EGF: variants seen among roughly 807,000 people sequenced by gnomAD.
EGF encodes the protein epidermal growth factor.
Under a neutral mutation model 143.8 loss-of-function variants are expected in EGF, and 95 were observed. The observed-to-expected ratio is 0.66, with a 90% CI of 0.56 to 0.78. EGF has a LOEUF of 0.78. EGF is among the 30% of genes least tolerant of loss of function. EGF has a pLI of 0.00. For synonymous variants in EGF, 510 were observed against 510.5 expected, an observed-to-expected ratio of 1.00 and a Z score of 0.01; for missense variants, 1,320 against 1,470.9, an observed-to-expected ratio of 0.90 and a Z score of 1.68.
At chr4:109,952,310 A>G (rs1192455488) in intron 5 of EGF, among the ~76,000 whole-genome samples, 3 of 152,234 alleles carry the variant, frequency 2.0e-5, no homozygotes, top group African/African-American at 7.2e-5. Flanking sequence ...GAGAGCTTCA[A>G]AAGCATATTC....
chr4:109,954,760 C>T (rs770089626), intron 5 of EGF, among the ~76,000 whole-genome samples: 13 of 152,062 alleles, frequency 8.5e-5, no homozygotes, highest in Admixed American at 3.9e-4. Context: ...TAGAATTTTA[C>T]GTATCTGGTA....
Position 109,979,977 on chromosome 4 carries a change from C to T in EGF, c.2059C>T (p.Pro687Ser), listed in dbSNP as rs1578329861. The stretch of plus-strand genomic sequence containing the variant: ...CAAACTTGAATTGTTTCCAGGTCAC[C>T]CATTTGCTGTAGCAGTGTTTGAGGA... ...RRLTQNDVGH[P>S]FAVAVFEDYV... Residue 687 changes from proline (P) to serine (S), a missense_variant, in exon 14 of 24, where the codon CCA becomes TCA. Pro to Ser is a moderately conservative substitution (Grantham distance 74). Coordinates refer to ENST00000265171, the MANE Select transcript of EGF (RefSeq NM_001963.6). The T allele has an allele frequency of 1.9e-6, 3 of 1,613,860 alleles. No individual in the cohort carries two copies. The highest frequency in any genetic ancestry group is 2.5e-6 in the Non-Finnish European group (3 of 1,179,834).
chr4:109,973,316 A>G (rs1464894309), intron 11 of EGF, among the ~76,000 whole-genome samples: 2 of 152,180 alleles, frequency 1.3e-5, no homozygotes, highest in Admixed American at 6.6e-5. Context: ...AAGTGCAAGT[A>G]TAACTGCCCC....
chr4:109,919,287 GTCTCTCTC>G (rs58110007), intron 1 of EGF, among the ~76,000 whole-genome samples: 7,078 of 75,710 alleles, frequency 0.093, 172 homozygotes, highest in Middle Eastern at 0.13. Flanking sequence ...ATGCTTCTCT[GTCTCTCTC>G]TCTCTCTCTC....
chr4:109,961,096 A>T (rs899461727), intron 7 of EGF, 107 bp downstream of exon 7: 46 of 1,283,766 alleles, frequency 3.6e-5, no homozygotes, highest in Non-Finnish European at 4.9e-5. Flanking sequence ...AGTGTGCATC[A>T]TAATTACCTT....
At chr4:109,981,669 G>GTAAA (rs1180161039) in intron 15 of EGF, among the ~76,000 whole-genome samples, 1 of 151,974 alleles carries the variant, frequency 6.6e-6, no homozygotes, top group African/African-American at 2.4e-5. Flanking sequence ...TAGGCATGGT[G>GTAAA]TAAATATAAG....
intron 1 of EGF, among the ~76,000 whole-genome samples, chr4:109,926,345 A>C (rs1264241331): frequency 2.1e-5 from 3 of 143,786 alleles, no homozygotes; most frequent in Admixed American, 6.9e-5. Context: ...AGAGTGAGAC[A>C]CTGTCTTTTT....
Position 109,999,679 on chromosome 4 carries a change from CT to C in EGF, c.3007del (p.Cys1003ValfsTer15), listed in dbSNP as rs1327444596. The C allele has an allele frequency of 1.9e-6, 3 of 1,614,034 alleles. No individual in the cohort carries two copies. The highest frequency in any genetic ancestry group is 2.5e-6 in the Non-Finnish European group (3 of 1,180,040). ...IEALDKYACN[C>X]VVGYIGERCQ... Reference sequence around the variant, plus strand: ...GACCTCTGTTTGTGTGTTGTCACAGCTGTGTTGTTGGCTACATCGGGGAGCG... The same window carrying C: ...GACCTCTGTTTGTGTGTTGTCACAGCGTGTTGTTGGCTACATCGGGGAGCG... On this transcript the variant is annotated frameshift_variant and splice_region_variant, in exon 21 of 24. Coordinates refer to ENST00000265171, the MANE Select transcript of EGF (RefSeq NM_001963.6). LOFTEE classifies it high-confidence loss of function.
At position 109,964,459 on chromosome 4, in the gene EGF, T is replaced by C; in HGVS notation, c.1497T>C (p.Asp499=). Residue 499 remains aspartate (D), a synonymous_variant, in exon 10 of 24, where the codon GAT becomes GAC. Coordinates refer to ENST00000265171, the MANE Select transcript of EGF (RefSeq NM_001963.6). ...AAGATATTCGACACATGCATTTTGA[T>C]GGAACAGACTATGGAACTCTGCTCA... ...NSQDIRHMHF[D]GTDYGTLLSQ... is the part of the protein sequence containing the mutation. 1.2e-6 allele frequency: 2 copies of C among 1,613,908 alleles called. No individual in the cohort carries two copies. The highest frequency in any genetic ancestry group is 4.5e-5 in the East Asian group (2 of 44,890).
In EGF at chr4:110,013,397, C is replaced by A. The variant is rs1754154458; in HGVS notation, c.*1942C>A. On this transcript the variant is annotated 3_prime_UTR_variant, in exon 24 of 24. Transcript: ENST00000265171. ...TGTTTCCTTCTTAATGACTCTGGTA[C>A]CTTAGAAACTGGGACCCTGCTAAGT... Among the ~76,000 whole-genome samples, 1 of 152,016 alleles carries A rather than the reference C, an allele frequency of 6.6e-6. No homozygotes were observed. The highest frequency in any genetic ancestry group is 1.5e-5 in the Non-Finnish European group (1 of 68,014).
rs372466394 is a variant in EGF, at chr4:110,011,498, G to A, written c.*43G>A. 14 of 1,613,738 alleles carry A rather than the reference G, an allele frequency of 8.7e-6. No homozygotes were observed. The highest frequency in any genetic ancestry group is 3.3e-5 in the Admixed American group (2 of 59,998). On this transcript the variant is annotated 3_prime_UTR_variant, in exon 24 of 24. Transcript: ENST00000265171. ...AAAGTCAAGAAGAATGAACTATGTCGATGCACAGTATCTTTTCTTTCAAAA... is the reference window on the plus strand; with the variant it reads ...AAAGTCAAGAAGAATGAACTATGTCAATGCACAGTATCTTTTCTTTCAAAA...
intron 5 of EGF, among the ~76,000 whole-genome samples, chr4:109,956,364 C>T (rs115285669): frequency 0.015 from 2,226 of 152,212 alleles, 51 homozygotes; most frequent in African/African-American, 0.05. Flanking sequence ...TTATAAGAAG[C>T]ATAGTGTTTC....
intron 1 of EGF, among the ~76,000 whole-genome samples, chr4:109,917,698 G>A (rs893668383): frequency 6.6e-6 from 1 of 152,204 alleles, no homozygotes; most frequent in African/African-American, 2.4e-5. Flanking sequence ...TTGGCTCACT[G>A]CAACCTCCGC....
intron 16 of EGF, among the ~76,000 whole-genome samples, chr4:109,986,747 A>AG (rs1358387765): frequency 7.0e-6 from 1 of 143,686 alleles, no homozygotes; most frequent in Non-Finnish European, 1.5e-5. Flanking sequence ...ATAAGTAAAG[A>AG]GAAAAAAAAA....
Position 109,961,879 on chromosome 4 carries a change from A to G in EGF, c.1206A>G (p.Pro402=), listed in dbSNP as rs1447416838. ...GKRCHQLVSC[P]RNVSECSHDC... is the part of the protein sequence containing the mutation. ...ATTAATTAGAACTTGTTTCCTGTCC[A>G]CGCAATGTGTCTGAATGCAGCCATG... The change falls in exon 8 of 24, where the codon CCA becomes CCG. Residue 402 remains proline (P), a synonymous_variant. Transcript: ENST00000265171. 4.3e-6 allele frequency: 7 copies of G among 1,613,748 alleles called. No homozygotes were observed. The highest frequency in any genetic ancestry group is 2.2e-5 in the East Asian group (1 of 44,882).
In EGF at chr4:109,957,811, G is replaced by T. The variant is rs114494586; in HGVS notation, c.941-1501G>T. Among the ~76,000 whole-genome samples the T allele has an allele frequency of 2.0e-3, 306 of 152,270 alleles. 3 individuals carry two copies. Among genetic ancestry groups the T allele is most frequent in the African/African-American group, 7.0e-3 (290 of 41,544 alleles). On this transcript the variant is annotated intron_variant, in intron 5 of 23. Transcript: ENST00000265171. ...TCTAGCTGATTTTAACAATGCCATGGCTTCAGAATCCATGACCCCAATAGT... is the reference window on the plus strand; with the variant it reads ...TCTAGCTGATTTTAACAATGCCATGTCTTCAGAATCCATGACCCCAATAGT...
At chr4:109,970,850 G>A (rs1747531571) in intron 11 of EGF, among the ~76,000 whole-genome samples, 1 of 126,222 alleles carries the variant, frequency 7.9e-6, no homozygotes, top group Non-Finnish European at 1.6e-5. Flanking sequence ...AAAAAAATCT[G>A]TTGATTTGTT....
At chr4:109,993,144 A>T in intron 18 of EGF, 103 bp from the exon 19 acceptor site, 1 of 1,470,154 alleles carries the variant, frequency 6.8e-7, no homozygotes, top group South Asian at 1.1e-5. Context: ...AACATATAGC[A>T]TGACAGAAGC....
intron 1 of EGF, among the ~76,000 whole-genome samples, chr4:109,927,727 A>G (rs1738954615): frequency 6.6e-6 from 1 of 150,926 alleles, no homozygotes; most frequent in South Asian, 2.1e-4. Context: ...CCGTCTCAAA[A>G]AAAAAAAAAA....
Sources: gnomAD v4.1 joint callset for allele counts (sites outside exome capture counted in the v4.1 genomes callset) on GRCh38, gnomAD v4.1.1 for gene constraint, MANE v1.5 for transcripts, NCBI Gene and HGNC (gene_info 2026-07-23, HGNC 2026-07-21) for gene names.